The following POU6F2 variants were observed in gnomAD, a reference collection of about 807,000 sequenced individuals.
POU6F2 encodes the protein POU class 6 homeobox 2, also known as POU domain, class 6, transcription factor 2.
Under a neutral mutation model 71.3 loss-of-function variants are expected in POU6F2, and 31 were observed. The ratio of observed to expected loss-of-function variants is 0.43; its 90% CI spans 0.33 to 0.59. The LOEUF (loss-of-function observed/expected upper bound fraction) is 0.59. POU6F2 is among the 20% of genes least tolerant of loss of function. POU6F2 has a pLI of 0.04. For synonymous variants in POU6F2, 347 were observed against 355.7 expected (o/e 0.98, Z 0.27); for missense variants, 783 against 856.8 (o/e 0.91, Z 1.07).
intron 5 of POU6F2, among the ~76,000 whole-genome samples, chr7:39,387,839 AGCCATG>A (rs1389344205): frequency 6.6e-6 from 1 of 152,244 alleles, no homozygotes; most frequent in African/African-American, 2.4e-5. Flanking sequence ...TCTAAGATCC[AGCCATG>A]GCCTCGAAAA....
intron 5 of POU6F2, among the ~76,000 whole-genome samples, chr7:39,358,091 A>G (rs187329503): frequency 1.3e-5 from 2 of 152,366 alleles, no homozygotes; most frequent in East Asian, 1.9e-4. Flanking sequence ...AAGAAAAAGC[A>G]TGACATTTAT....
chr7:39,285,043 G>C (rs1297259490), intron 4 of POU6F2, among the ~76,000 whole-genome samples: 1 of 152,200 alleles, frequency 6.6e-6, no homozygotes, highest in Non-Finnish European at 1.5e-5. Context: ...CCTCACAGGG[G>C]ATACCATTAC....
intron 2 of POU6F2, among the ~76,000 whole-genome samples, chr7:39,116,221 T>C (rs1328616945): frequency 6.6e-6 from 1 of 152,052 alleles, no homozygotes; most frequent in African/African-American, 2.4e-5. Context: ...TCTGTCTCTA[T>C]AAAAAATTTA....
At chr7:39,323,277 G>A (rs1785435364) in intron 4 of POU6F2, among the ~76,000 whole-genome samples, 1 of 152,182 alleles carries the variant, frequency 6.6e-6, no homozygotes, top group African/African-American at 2.4e-5. Context: ...ATGGATCCCA[G>A]CAAGAGGACA....
chr7:39,413,484 A>G (rs983870334), intron 6 of POU6F2, among the ~76,000 whole-genome samples: 1 of 152,194 alleles, frequency 6.6e-6, no homozygotes, highest in Non-Finnish European at 1.5e-5. Context: ...TTTCTCACAA[A>G]TATTATGAAC....
At chr7:39,305,335 A>C (rs1005550876) in intron 4 of POU6F2, among the ~76,000 whole-genome samples, 2 of 152,276 alleles carry the variant, frequency 1.3e-5, no homozygotes, top group Non-Finnish European at 2.9e-5. Flanking sequence ...CTGTATAATC[A>C]ATGACAATTC....
intron 1 of POU6F2, among the ~76,000 whole-genome samples, chr7:38,979,082 A>C (rs1292590705): frequency 2.6e-5 from 4 of 152,138 alleles, no homozygotes; most frequent in African/African-American, 9.7e-5. Context: ...GGAAATATAC[A>C]TGGTTTCTTT....
chr7:39,210,948 C>G (rs1305550471), intron 4 of POU6F2, among the ~76,000 whole-genome samples: 1 of 152,168 alleles, frequency 6.6e-6, no homozygotes, highest in Admixed American at 6.5e-5. Context: ...CCTCACAGTG[C>G]TGCAGCCTGG....
intron 4 of POU6F2, among the ~76,000 whole-genome samples, chr7:39,327,854 C>CAA (rs34503228): frequency 9.1e-5 from 12 of 131,672 alleles, no homozygotes; most frequent in East Asian, 2.2e-4. Flanking sequence ...TAGTTTGTGT[C>CAA]AAAAAAAAAA....
chr7:39,025,101 T>A (rs183186187), intron 1 of POU6F2, among the ~76,000 whole-genome samples: 2,235 of 152,290 alleles, frequency 0.015, 28 homozygotes, highest in Middle Eastern at 0.054. Context: ...TCCTTGTACC[T>A]CTGGTAGAAT....
At chr7:39,418,412 A>G (rs1013727986) in intron 6 of POU6F2, among the ~76,000 whole-genome samples, 9 of 152,208 alleles carry the variant, frequency 5.9e-5, no homozygotes, top group African/African-American at 1.9e-4. Context: ...TAAACAGGTC[A>G]GGCACGGTGG....
chr7:39,080,581 T>C (rs1248118668), intron 1 of POU6F2, among the ~76,000 whole-genome samples: 1 of 152,252 alleles, frequency 6.6e-6, no homozygotes, highest in African/African-American at 2.4e-5. Flanking sequence ...AATAAATCTG[T>C]TGTGTATTGT....
chr7:39,035,624 A>T (rs1005688189), intron 1 of POU6F2, among the ~76,000 whole-genome samples: 1 of 152,196 alleles, frequency 6.6e-6, no homozygotes, highest in Non-Finnish European at 1.5e-5. Flanking sequence ...GCTGAATGGG[A>T]TTCCCAGTTA....
intron 1 of POU6F2, among the ~76,000 whole-genome samples, chr7:39,078,536 T>G (rs535070259): frequency 6.6e-6 from 1 of 151,826 alleles, no homozygotes; most frequent in South Asian, 2.1e-4. Flanking sequence ...GGTGAAGGAG[T>G]GGTGGTCAGT....
chr7:39,088,347 C>A (rs1791298657), intron 2 of POU6F2, among the ~76,000 whole-genome samples: 1 of 152,136 alleles, frequency 6.6e-6, no homozygotes, highest in Non-Finnish European at 1.5e-5. Flanking sequence ...GGGACTTGGC[C>A]TTAGCAATTC....
At chr7:39,335,652 C>T (rs1785755374) in intron 4 of POU6F2, among the ~76,000 whole-genome samples, 1 of 152,198 alleles carries the variant, frequency 6.6e-6, no homozygotes, top group Non-Finnish European at 1.5e-5. Flanking sequence ...TATAACATGG[C>T]AATAACACCA....
intron 2 of POU6F2, among the ~76,000 whole-genome samples, chr7:39,185,798 CATATAT>C (rs199572267): frequency 5.7e-5 from 8 of 141,330 alleles, no homozygotes; most frequent in African/African-American, 1.9e-4. Context: ...ACTTGGTATA[CATATAT>C]ATATGTATAT....
intron 4 of POU6F2, among the ~76,000 whole-genome samples, chr7:39,213,763 A>G (rs897124415): frequency 2.0e-5 from 3 of 152,174 alleles, no homozygotes; most frequent in Admixed American, 2.0e-4. Flanking sequence ...AAAATATGCT[A>G]CATTTTGTTT....
intron 5 of POU6F2, among the ~76,000 whole-genome samples, chr7:39,343,300 C>G (rs1785959126): frequency 6.6e-6 from 1 of 151,880 alleles, no homozygotes; most frequent in Non-Finnish European, 1.5e-5. Context: ...TTGCTCAAAC[C>G]CACAGTCCAC....
Sources: gnomAD v4.1 joint callset for allele counts (sites outside exome capture counted in the v4.1 genomes callset) on GRCh38, gnomAD v4.1.1 for gene constraint, MANE v1.5 for transcripts, NCBI Gene and HGNC (gene_info 2026-07-23, HGNC 2026-07-21) for gene names.